The following LUZP2 variants were observed in gnomAD, a reference collection of about 807,000 sequenced individuals.
LUZP2 encodes leucine zipper protein 2.
In LUZP2, 52 loss-of-function variants were observed where a neutral mutation model predicts 51.6. That is an observed-to-expected ratio of 1.01 (90% CI 0.81 to 1.27). LUZP2 has a LOEUF of 1.27. LUZP2 is among the 50% of genes most tolerant of loss of function. The pLI is 0.00. For synonymous variants in LUZP2, 154 were observed against 137.3 expected, an observed-to-expected ratio of 1.12 and a Z score of -0.85; for missense variants, 436 against 395.4, an observed-to-expected ratio of 1.10 and a Z score of -0.87.
chr11:24,524,266 T>G (rs1167851907), intron 1 of LUZP2, among the ~76,000 whole-genome samples: 1 of 151,808 alleles, frequency 6.6e-6, no homozygotes, highest in Admixed American at 6.6e-5. Context: ...AATCAACTGC[T>G]AGTCTCTTGC....
At chr11:24,961,844 G>A (rs930573501) in intron 7 of LUZP2, among the ~76,000 whole-genome samples, 9 of 150,424 alleles carry the variant, frequency 6.0e-5, no homozygotes, top group African/African-American at 1.2e-4. Flanking sequence ...TCCTAGTCTT[G>A]ATGGTCTTTA....
At chr11:24,621,917 GT>G (rs1311922106) in intron 1 of LUZP2, among the ~76,000 whole-genome samples, 1 of 151,174 alleles carries the variant, frequency 6.6e-6, no homozygotes, top group Non-Finnish European at 1.5e-5. Flanking sequence ...TTTACATACA[GT>G]TTCTTGTGAA....
intron 1 of LUZP2, among the ~76,000 whole-genome samples, chr11:24,681,397 A>G (rs1037892069): frequency 6.6e-6 from 1 of 152,210 alleles, no homozygotes. Flanking sequence ...TAATTACTCA[A>G]GTTATAAGTG....
At chr11:24,817,208 G>A (rs71478105) in intron 5 of LUZP2, among the ~76,000 whole-genome samples, 7,898 of 119,372 alleles carry the variant, frequency 0.066, 304 homozygotes, top group Non-Finnish European at 0.098. Flanking sequence ...ATAAATGAAT[G>A]CTATCATTAA....
intron 5 of LUZP2, among the ~76,000 whole-genome samples, chr11:24,807,353 T>C (rs1849885958): frequency 6.6e-6 from 1 of 151,776 alleles, no homozygotes; most frequent in Non-Finnish European, 1.5e-5. Flanking sequence ...TCGCAGCTAC[T>C]TGGGAGGCTG....
chr11:24,697,903 C>T (rs1857296801), intron 1 of LUZP2, among the ~76,000 whole-genome samples: 1 of 152,120 alleles, frequency 6.6e-6, no homozygotes, highest in African/African-American at 2.4e-5. Context: ...ATCCATGACT[C>T]ACACTAAGGA....
chr11:24,829,358 C>T (rs7129889), intron 5 of LUZP2, among the ~76,000 whole-genome samples: 89,218 of 152,074 alleles, frequency 0.59, 27,607 homozygotes, highest in Middle Eastern at 0.68. Context: ...CGTGCATGTA[C>T]ACCTCCCCCA....
At chr11:24,716,317 AG>A (rs1367681051) in intron 1 of LUZP2, among the ~76,000 whole-genome samples, 1 of 152,214 alleles carries the variant, frequency 6.6e-6, no homozygotes, top group Non-Finnish European at 1.5e-5. Flanking sequence ...TATCCAAAGA[AG>A]GCGTTCAACA....
At chr11:24,878,867 G>A (rs2129356) in intron 5 of LUZP2, among the ~76,000 whole-genome samples, 73,746 of 151,646 alleles carry the variant, frequency 0.49, 18,392 homozygotes, top group East Asian at 0.69. Context: ...GAGAATGTGT[G>A]GTGTTTGGTT....
At chr11:24,940,214 T>C (rs11028288) in intron 7 of LUZP2, among the ~76,000 whole-genome samples, 1 of 151,928 alleles carries the variant, frequency 6.6e-6, no homozygotes, top group Non-Finnish European at 1.5e-5. Flanking sequence ...TTAATGAGAA[T>C]GGAAACTATA....
At chr11:24,920,225 T>C (rs1019142436) in intron 7 of LUZP2, among the ~76,000 whole-genome samples, 12 of 152,010 alleles carry the variant, frequency 7.9e-5, no homozygotes, top group Admixed American at 2.0e-4. Context: ...GTTTGTTGTT[T>C]ATTGAATAAA....
intron 5 of LUZP2, among the ~76,000 whole-genome samples, chr11:24,818,562 A>G (rs1005867803): frequency 2.0e-5 from 3 of 152,094 alleles, no homozygotes; most frequent in South Asian, 4.1e-4. Context: ...GAGGCTTTAA[A>G]CTTTCAATTT....
intron 9 of LUZP2, among the ~76,000 whole-genome samples, chr11:25,026,535 AT>A (rs1554957211): frequency 1.6e-5 from 2 of 123,952 alleles, no homozygotes; most frequent in Admixed American, 8.6e-5. Flanking sequence ...TTAAAATGTG[AT>A]TATTTTTTTC....
In LUZP2 at chr11:24,653,760, G is replaced by A. The variant is rs116262699; in HGVS notation, c.63-75409G>A. Among the ~76,000 whole-genome samples the A allele has an allele frequency of 9.7e-3, 1,473 of 152,248 alleles. 25 individuals carry two copies. Among genetic ancestry groups the A allele is most frequent in the African/African-American group, 0.034 (1,418 of 41,520 alleles). ...CTGAGACAGAAAGAGGCACAAAAGTGATCCGTTCCCAGAAGGCAAGCGAAG... is the reference window on the plus strand; with the variant it reads ...CTGAGACAGAAAGAGGCACAAAAGTAATCCGTTCCCAGAAGGCAAGCGAAG... On this transcript the variant is annotated intron_variant, in intron 1 of 11. Coordinates refer to ENST00000336930, the MANE Select transcript of LUZP2 (RefSeq NM_001009909.4).
intron 9 of LUZP2, among the ~76,000 whole-genome samples, chr11:25,022,848 T>A (rs181219555): frequency 1.3e-5 from 2 of 152,162 alleles, no homozygotes; most frequent in Admixed American, 1.3e-4. Flanking sequence ...ATTGAGAGTT[T>A]CTGGCATGAA....
intron 1 of LUZP2, among the ~76,000 whole-genome samples, chr11:24,676,918 A>G (rs1289163805): frequency 6.6e-6 from 1 of 151,962 alleles, no homozygotes; most frequent in Non-Finnish European, 1.5e-5. Flanking sequence ...CAGCCCTCCT[A>G]GGCCTCCAAA....
chr11:24,576,408 A>G (rs1159062290), intron 1 of LUZP2, among the ~76,000 whole-genome samples: 48 of 65,372 alleles, frequency 7.3e-4, no homozygotes, highest in Non-Finnish European at 1.1e-3. Flanking sequence ...GCGAGACTCC[A>G]TCTCAAAAAA....
chr11:24,913,773 T>C (rs187927932), intron 6 of LUZP2, among the ~76,000 whole-genome samples: 4 of 152,054 alleles, frequency 2.6e-5, no homozygotes, highest in African/African-American at 9.6e-5. Context: ...GTACCTATAA[T>C]TTTAGGTACA....
At chr11:24,897,411 A>G (rs532618931) in intron 5 of LUZP2, among the ~76,000 whole-genome samples, 36 of 152,150 alleles carry the variant, frequency 2.4e-4, no homozygotes, top group Admixed American at 1.4e-3. Context: ...GAGCTGTAAC[A>G]CTCATTGCGA....
Sources: gnomAD v4.1 joint callset for allele counts (sites outside exome capture counted in the v4.1 genomes callset) on GRCh38, gnomAD v4.1.1 for gene constraint, MANE v1.5 for transcripts, NCBI Gene and HGNC (gene_info 2026-07-23, HGNC 2026-07-21) for gene names.